Variants in NXPH1 observed in about 807,000 individuals in gnomAD.
The protein encoded by NXPH1 is neurexophilin-1.
A neutral mutation model predicts 23.7 loss-of-function variants in NXPH1; 5 were observed. That is an observed-to-expected ratio of 0.21 (90% CI 0.11 to 0.44). NXPH1 has a LOEUF of 0.44. Ranked by LOEUF, NXPH1 falls within the 20% of genes least tolerant of loss-of-function variation. The pLI is 0.99. For synonymous variants in NXPH1, 144 were observed against 122.2 expected, an observed-to-expected ratio of 1.18 and a Z score of -1.18; for missense variants, 324 against 321.6, an observed-to-expected ratio of 1.01 and a Z score of -0.06.
intron 2 of NXPH1, among the ~76,000 whole-genome samples, chr7:8,501,277 G>A (rs776711117): frequency 3.3e-5 from 5 of 152,150 alleles, no homozygotes; most frequent in South Asian, 4.2e-4. Context: ...ATGAGAAACC[G>A]TAGTTTGTTA....
In NXPH1 at chr7:8,751,961, TA is replaced by T; in HGVS notation, c.*194del. On this transcript the variant is annotated 3_prime_UTR_variant, in exon 3 of 3. Coordinates refer to ENST00000405863, the MANE Select transcript of NXPH1 (RefSeq NM_152745.3). The surrounding 1 kb of genome is among the most constrained non-coding windows in gnomAD (Gnocchi z 4.5). ...GCCCAGTCAGCTTCATCCCTCAGTA[TA>T]ATTGTAAATCATCACAGATTTTGAA... The T allele has an allele frequency of 1.8e-6, 1 of 568,650 alleles. No individual in the cohort carries two copies. The highest frequency in any genetic ancestry group is 3.1e-6 in the Non-Finnish European group (1 of 324,322). 35.2% of individuals were successfully genotyped at this position (568,650 alleles called of 1,614,324 possible).
intron 2 of NXPH1, among the ~76,000 whole-genome samples, chr7:8,633,446 C>T (rs920105350): frequency 1.1e-4 from 16 of 152,188 alleles, no homozygotes; most frequent in African/African-American, 3.9e-4. Flanking sequence ...TGTTGATGAT[C>T]TCACAATAGA....
chr7:8,639,505 C>A (rs1324951651), intron 2 of NXPH1, among the ~76,000 whole-genome samples: 1 of 151,774 alleles, frequency 6.6e-6, no homozygotes, highest in Non-Finnish European at 1.5e-5. Context: ...CAAATTTTTG[C>A]CGATTTGTTG....
chr7:8,515,475 G>C (rs1817672732), intron 2 of NXPH1, among the ~76,000 whole-genome samples: 1 of 152,130 alleles, frequency 6.6e-6, no homozygotes, highest in Admixed American at 6.5e-5. Flanking sequence ...ATTCATTCAT[G>C]TGTTGTTTAT....
At chr7:8,674,412 C>A (rs1168694459) in intron 2 of NXPH1, among the ~76,000 whole-genome samples, 1 of 152,110 alleles carries the variant, frequency 6.6e-6, no homozygotes, top group Non-Finnish European at 1.5e-5. Flanking sequence ...TATTACACTT[C>A]TCTGTGGACC....
chr7:8,561,493 A>G (rs1368714654), intron 2 of NXPH1, among the ~76,000 whole-genome samples: 1 of 151,424 alleles, frequency 6.6e-6, no homozygotes, highest in Non-Finnish European at 1.5e-5. Context: ...TTTATTTTCA[A>G]CTCAACTGCC....
chr7:8,717,958 G>C (rs1163549920), intron 2 of NXPH1, among the ~76,000 whole-genome samples: 1 of 151,182 alleles, frequency 6.6e-6, no homozygotes, highest in Non-Finnish European at 1.5e-5. Flanking sequence ...CATAGACACA[G>C]AGCCCCTATA....
intron 2 of NXPH1, among the ~76,000 whole-genome samples, chr7:8,607,998 G>C (rs1255695003): frequency 6.6e-6 from 1 of 152,222 alleles, no homozygotes; most frequent in Non-Finnish European, 1.5e-5. Context: ...GAATGCCAAG[G>C]ATTGGTGGTG....
chr7:8,582,616 A>T (rs1315741953), intron 2 of NXPH1, among the ~76,000 whole-genome samples: 1 of 152,096 alleles, frequency 6.6e-6, no homozygotes, highest in African/African-American at 2.4e-5. Flanking sequence ...TTCTTCCTGT[A>T]GCTGGTAGTT....
chr7:8,658,146 A>T (rs765656222), intron 2 of NXPH1, among the ~76,000 whole-genome samples: 2 of 152,252 alleles, frequency 1.3e-5, no homozygotes, highest in Non-Finnish European at 2.9e-5. Flanking sequence ...ACCAGTATTT[A>T]GTGACTTCGA....
At chr7:8,582,943 C>G (rs1460489443) in intron 2 of NXPH1, among the ~76,000 whole-genome samples, 3 of 152,208 alleles carry the variant, frequency 2.0e-5, no homozygotes, top group African/African-American at 7.2e-5. Flanking sequence ...AGGCCCACGC[C>G]AAGCCACCCT....
At chr7:8,683,662 C>T (rs1821094099) in intron 2 of NXPH1, among the ~76,000 whole-genome samples, 1 of 152,068 alleles carries the variant, frequency 6.6e-6, no homozygotes, top group Non-Finnish European at 1.5e-5. Context: ...GCTTTTTGAT[C>T]TATTAGGTTG....
intron 2 of NXPH1, among the ~76,000 whole-genome samples, chr7:8,445,637 C>T (rs1291602153): frequency 6.6e-6 from 1 of 152,234 alleles, no homozygotes; most frequent in Admixed American, 6.5e-5. Context: ...GAGAAAATTT[C>T]CTGGTTTTAA....
At chr7:8,464,863 A>T (rs1414589651) in intron 2 of NXPH1, among the ~76,000 whole-genome samples, 1 of 152,178 alleles carries the variant, frequency 6.6e-6, no homozygotes, top group African/African-American at 2.4e-5. Flanking sequence ...CATCCTTTAT[A>T]GCCAAGGATT....
chr7:8,522,775 C>G (rs576401647), intron 2 of NXPH1, among the ~76,000 whole-genome samples: 92 of 152,326 alleles, frequency 6.0e-4, no homozygotes, highest in African/African-American at 2.1e-3. Flanking sequence ...CTTCCCACCT[C>G]TAGGTCCAGC....
chr7:8,506,347 T>C (rs1328559581), intron 2 of NXPH1, among the ~76,000 whole-genome samples: 6 of 152,112 alleles, frequency 3.9e-5, no homozygotes, highest in Admixed American at 3.3e-4. Context: ...GCAAGGGACA[T>C]GGGTCTTTCC....
chr7:8,688,413 T>C (rs981070150), intron 2 of NXPH1, among the ~76,000 whole-genome samples: 3 of 152,188 alleles, frequency 2.0e-5, no homozygotes, highest in African/African-American at 7.2e-5. Context: ...ATGTGGTTCT[T>C]ATTTTTTTCT....
chr7:8,491,966 A>G (rs1817254679), intron 2 of NXPH1, among the ~76,000 whole-genome samples: 1 of 152,032 alleles, frequency 6.6e-6, no homozygotes, highest in South Asian at 2.1e-4. Flanking sequence ...ATTACTGTAT[A>G]CAACACACAG....
chr7:8,750,573 T>C (rs867831454), intron 2 of NXPH1, among the ~76,000 whole-genome samples: 1 of 152,216 alleles, frequency 6.6e-6, no homozygotes, highest in Non-Finnish European at 1.5e-5. Flanking sequence ...TAAAATTTGA[T>C]TTCAAAAATG....
Sources: gnomAD v4.1 joint callset for allele counts (sites outside exome capture counted in the v4.1 genomes callset) on GRCh38, gnomAD v4.1.1 for gene constraint, Gnocchi (gnomAD v3.1) non-coding constraint, MANE v1.5 for transcripts, NCBI Gene and HGNC (gene_info 2026-07-23, HGNC 2026-07-21) for gene names.